Variants in ARMC2 observed in about 807,000 individuals in gnomAD.
ARMC2 encodes the protein armadillo repeat-containing protein 2.
Under a neutral mutation model 90.3 loss-of-function variants are expected in ARMC2, and 67 were observed. The ratio of observed to expected loss-of-function variants is 0.74; its 90% CI spans 0.61 to 0.91. The LOEUF (loss-of-function observed/expected upper bound fraction) is 0.91, where lower values mean the gene tolerates loss of function less well. ARMC2 is among the 40% of genes least tolerant of loss of function. ARMC2 has a pLI of 0.00. For synonymous variants in ARMC2, 393 were observed against 393.0 expected (o/e 1.00, Z 0.00); for missense variants, 920 against 1,030.9 (o/e 0.89, Z 1.47).
At chr6:109,013,635 A>G in the ARMC2 span, among the ~76,000 whole-genome samples, 1 of 152,240 alleles carries the variant, frequency 6.6e-6, no homozygotes, top group Non-Finnish European at 1.5e-5. Context: ...AGATTTGCAC[A>G]TCTCCTCATT....
the ARMC2 span, among the ~76,000 whole-genome samples, chr6:109,029,699 A>G: frequency 6.6e-6 from 1 of 151,842 alleles, no homozygotes; most frequent in Non-Finnish European, 1.5e-5. Flanking sequence ...ACACCCAGCT[A>G]TTTTTTTATT....
At chr6:109,052,219 T>C in the ARMC2 span, among the ~76,000 whole-genome samples, 1 of 152,244 alleles carries the variant, frequency 6.6e-6, no homozygotes, top group East Asian at 1.9e-4. Context: ...TGCCTGGCAC[T>C]TTGTAGTTGC....
the ARMC2 span, among the ~76,000 whole-genome samples, chr6:108,986,109 G>GCTATTTCTACTTGTCTGATGAGTGT: frequency 6.6e-6 from 1 of 152,128 alleles, no homozygotes; most frequent in Non-Finnish European, 1.5e-5. Context: ...TAAACTTAGA[G>GCTATTTCTACTTGTCTGATGAGTGT]CTATTTCTAC....
intron 4 of ARMC2, among the ~76,000 whole-genome samples, chr6:108,872,435 C>G (rs1311765765): frequency 6.6e-6 from 1 of 152,204 alleles, no homozygotes; most frequent in Non-Finnish European, 1.5e-5. Context: ...GACTAGCTCT[C>G]GAGTCTGCAT....
intron 3 of ARMC2, among the ~76,000 whole-genome samples, chr6:108,862,167 A>G (rs1775309860): frequency 1.3e-5 from 2 of 152,068 alleles, no homozygotes; most frequent in East Asian, 3.9e-4. Flanking sequence ...AACATGGTGA[A>G]ACCCCGTCTC....
chr6:108,890,004 C>G (rs375602401), intron 5 of ARMC2, among the ~76,000 whole-genome samples: 1 of 149,038 alleles, frequency 6.7e-6, no homozygotes, highest in Admixed American at 6.7e-5. Context: ...CCGGCTAAAA[C>G]GGTGAAACCC....
chr6:108,984,553 G>C, the ARMC2 span, among the ~76,000 whole-genome samples: 1 of 152,058 alleles, frequency 6.6e-6, no homozygotes, highest in Non-Finnish European at 1.5e-5. Context: ...CCACATTGAG[G>C]ATTACATTTC....
intron 12 of ARMC2, among the ~76,000 whole-genome samples, chr6:108,942,891 A>G (rs1465414423): frequency 1.3e-5 from 2 of 152,228 alleles, no homozygotes; most frequent in Admixed American, 1.3e-4. Flanking sequence ...AAACATAGAA[A>G]CAGAAATCTA....
At chr6:108,988,289 G>A in the ARMC2 span, 1 of 320,620 alleles carries the variant, frequency 3.1e-6, no homozygotes, top group Non-Finnish European at 5.7e-6. Flanking sequence ...TTATAAAACA[G>A]TCTTCTATGT....
In ARMC2 at chr6:108,867,689, T is replaced by C. The variant is rs558906519; in HGVS notation, c.292-1135T>C. Among the ~76,000 whole-genome samples the C allele has an allele frequency of 4.6e-5, 7 of 152,102 alleles. No homozygotes were observed. In the South Asian group the frequency reaches 1.0e-3, roughly 23 times the overall value. On this transcript the variant is annotated intron_variant, in intron 3 of 17. Coordinates refer to ENST00000392644, the MANE Select transcript of ARMC2 (RefSeq NM_032131.6). ...GGGAGGCTGAGACCGGAGAATCGCTTGAACCTGGGAGGCGGAGGTTGCGGT... is the reference window on the plus strand; with the variant it reads ...GGGAGGCTGAGACCGGAGAATCGCTCGAACCTGGGAGGCGGAGGTTGCGGT...
intron 10 of ARMC2, among the ~76,000 whole-genome samples, chr6:108,924,763 C>T (rs1308787829): frequency 2.6e-5 from 4 of 152,172 alleles, no homozygotes; most frequent in African/African-American, 9.7e-5. Context: ...GGCCTTTGAG[C>T]AGGGAAGGCG....
At chr6:109,044,054 C>T in the ARMC2 span, among the ~76,000 whole-genome samples, 1,072 of 152,030 alleles carry the variant, frequency 7.1e-3, 12 homozygotes, top group African/African-American at 0.024. Context: ...GTGGCTCACA[C>T]CTGTAATCCC....
At chr6:108,982,999 G>T in the ARMC2 span, among the ~76,000 whole-genome samples, 1 of 151,788 alleles carries the variant, frequency 6.6e-6, no homozygotes, top group Non-Finnish European at 1.5e-5. Flanking sequence ...TAATTTTTGT[G>T]TAGAGACGGG....
intron 7 of ARMC2, among the ~76,000 whole-genome samples, chr6:108,902,444 A>G (rs1389265575): frequency 1.3e-5 from 2 of 152,246 alleles, no homozygotes; most frequent in Non-Finnish European, 2.9e-5. Context: ...AGTGGCCCAG[A>G]GCCTGGACTT....
the ARMC2 span, among the ~76,000 whole-genome samples, chr6:108,985,972 G>C: frequency 6.6e-6 from 1 of 152,074 alleles, no homozygotes; most frequent in Non-Finnish European, 1.5e-5. Flanking sequence ...TACCACCTCT[G>C]TTCAAAATTG....
the ARMC2 span, among the ~76,000 whole-genome samples, chr6:109,038,015 G>A: frequency 6.6e-6 from 1 of 152,150 alleles, no homozygotes; most frequent in Admixed American, 6.6e-5. Flanking sequence ...GGCATTTAAG[G>A]TCAAAATCAT....
chr6:109,044,916 G>A, the ARMC2 span, among the ~76,000 whole-genome samples: 1 of 151,940 alleles, frequency 6.6e-6, no homozygotes, highest in Non-Finnish European at 1.5e-5. Context: ...TCAGCTACTT[G>A]GGCAGCTGAG....
intron 13 of ARMC2, among the ~76,000 whole-genome samples, chr6:108,955,354 A>G (rs978640633): frequency 1.3e-5 from 2 of 152,222 alleles, no homozygotes; most frequent in South Asian, 2.1e-4. Context: ...GGCTGCGGGC[A>G]TGTGAGTGAC....
intron 13 of ARMC2, among the ~76,000 whole-genome samples, chr6:108,954,258 G>A (rs1314519596): frequency 6.6e-6 from 1 of 152,068 alleles, no homozygotes; most frequent in Non-Finnish European, 1.5e-5. Context: ...TACTTTTTAG[G>A]TCTGTCATCT....
Sources: allele counts gnomAD v4.1 joint callset (sites outside exome capture counted in the v4.1 genomes callset), GRCh38; gene constraint gnomAD v4.1.1; transcripts MANE v1.5; gene names NCBI Gene and HGNC (gene_info 2026-07-23, HGNC 2026-07-21).